EZH1: variants seen among roughly 807,000 people sequenced by gnomAD.
EZH1 encodes the protein histone-lysine N-methyltransferase EZH1.
EZH1 carries 33 observed loss-of-function variants against 100.5 expected under a neutral mutation model. The observed-to-expected ratio is 0.33, with a 90% confidence interval of 0.25 to 0.44. The LOEUF is 0.44. Ranked by LOEUF, EZH1 falls within the 20% of genes least tolerant of loss-of-function variation. The pLI is 1.00. For missense variants in EZH1, 475 were observed against 928.4 expected (o/e 0.51, Z 6.35); for synonymous variants, 272 against 313.8 (o/e 0.87, Z 1.41).
rs894173315 is a variant in EZH1, at chr17:42,722,712, A to G, written c.487+83T>C. On this transcript the variant is annotated intron_variant, in intron 6 of 20. Transcript: ENST00000428826. ...TGTGTACCCCATGGGGCAGAAGATA[A>G]AAGCAAGATGGCAAGATGATGAGGT... is the stretch of plus-strand genomic sequence containing the variant. 3 of 1,447,918 alleles carry G rather than the reference A, an allele frequency of 2.1e-6. No individual in the cohort carries two copies. In the African/African-American group the frequency reaches 4.3e-5, roughly 21 times the overall value. 89.7% of individuals were successfully genotyped at this position (1,447,918 alleles called of 1,614,324 possible).
At chr17:42,709,407 G>C (rs1453410624) in intron 13 of EZH1, 1 of 178,640 alleles carries the variant, frequency 5.6e-6, no homozygotes, top group African/African-American at 2.4e-5. Flanking sequence ...AGGGAACAGG[G>C]CCAGGGTGCA....
rs1172373256 is a variant in EZH1 at position 42,718,084 on chromosome 17, G to C, written c.932-17C>G. On this transcript the variant is annotated splice_polypyrimidine_tract_variant and intron_variant, in intron 9 of 20. Coordinates refer to ENST00000428826, the MANE Select transcript of EZH1 (RefSeq NM_001991.5). The surrounding 1 kb of genome is among the most constrained non-coding windows in gnomAD (Gnocchi z 4.2). ...CATGAAAAGCTGGAAAACAAAAACTGTCTTGTTGCCAGTGGTCTATCCACT... is the reference window on the plus strand; with the variant it reads ...CATGAAAAGCTGGAAAACAAAAACTCTCTTGTTGCCAGTGGTCTATCCACT... 6.2e-7 allele frequency: 1 copy of C among 1,607,134 alleles called. No individual in the cohort carries two copies. The highest frequency in any genetic ancestry group is 1.3e-5 in the African/African-American group (1 of 74,934).
intron 2 of EZH1, among the ~76,000 whole-genome samples, chr17:42,730,201 T>G (rs990171876): frequency 1.3e-5 from 2 of 152,224 alleles, no homozygotes; most frequent in Non-Finnish European, 2.9e-5. Context: ...TACTAGGAAC[T>G]TGGATTACTT....
chr17:42,719,817 A>T (rs2053672750), intron 7 of EZH1, among the ~76,000 whole-genome samples: 1 of 152,170 alleles, frequency 6.6e-6, no homozygotes. Context: ...AGGCCTGAAC[A>T]TAGAAGAATC....
At chr17:42,737,437 C>T (rs1187750701) in intron 1 of EZH1, among the ~76,000 whole-genome samples, 3 of 152,132 alleles carry the variant, frequency 2.0e-5, no homozygotes, top group Non-Finnish European at 4.4e-5. Flanking sequence ...CCCATCTCTA[C>T]AAAAGAAATA....
chr17:42,707,779 G>A (rs867076238), intron 15 of EZH1, among the ~76,000 whole-genome samples, 179 bp downstream of exon 15: 4 of 151,454 alleles, frequency 2.6e-5, no homozygotes, highest in Non-Finnish European at 4.4e-5. Context: ...GAACCTAAAC[G>A]TTTTCCAGAA....
Position 42,701,119 on chromosome 17 carries a change from A to G in EZH1, c.*1413T>C, listed in dbSNP as rs952064857. The G allele has an allele frequency of 6.6e-6, 1 of 152,600 alleles. No homozygotes were observed. The highest frequency in any genetic ancestry group is 1.5e-5 in the Non-Finnish European group (1 of 68,128). The allele number at this position is 152,600 out of a possible 1,614,324, so 9.5% of individuals were successfully genotyped here. ...ACACAGGGCAGCTCTTGCTGGCCCCATTCACATGAAATTCTTCTGTGTGAA... is the reference window on the plus strand; with the variant it reads ...ACACAGGGCAGCTCTTGCTGGCCCCGTTCACATGAAATTCTTCTGTGTGAA... On this transcript the variant is annotated 3_prime_UTR_variant, in exon 21 of 21. Coordinates refer to ENST00000428826, the MANE Select transcript of EZH1 (RefSeq NM_001991.5).
At chr17:42,705,912 A>T in intron 16 of EZH1, 95 bp downstream of exon 16, 2 of 1,259,850 alleles carry the variant, frequency 1.6e-6, no homozygotes, top group Non-Finnish European at 2.1e-6. Context: ...TCACATATAA[A>T]GCCTCAAAAG....
At chr17:42,720,176 A>C (rs2053678713) in intron 7 of EZH1, 97 bp downstream of exon 7, 2 of 1,307,214 alleles carry the variant, frequency 1.5e-6, no homozygotes, top group East Asian at 2.4e-5. Context: ...AACAAGAAGC[A>C]CCAACAGCCT....
At position 42,738,755 on chromosome 17, in the gene EZH1, A is replaced by ATATTT. The variant is rs1555651877; in HGVS notation, c.-103+6255_-103+6256insAAATA. On this transcript the variant is annotated intron_variant, in intron 1 of 20. Coordinates refer to ENST00000428826, the MANE Select transcript of EZH1 (RefSeq NM_001991.5). ...GCGTAAGCCACCGGGCCTGGCCTAG[A>ATATTT]TTTTTTTTTTTTTTTTTTTTTTGAG... Among the ~76,000 whole-genome samples the ATATTT allele has an allele frequency of 5.3e-4, 48 of 91,214 alleles. 2 individuals are homozygous for ATATTT. Among genetic ancestry groups the ATATTT allele is most frequent in the African/African-American group, 1.8e-3 (41 of 23,170 alleles). 59.8% of individuals were successfully genotyped at this position (91,214 alleles called of 152,430 possible).
intron 10 of EZH1, among the ~76,000 whole-genome samples, chr17:42,716,168 A>C (rs867492568): frequency 6.6e-6 from 1 of 152,202 alleles, no homozygotes. Flanking sequence ...AGCTGAAAAA[A>C]AAATTGAATA....
chr17:42,703,708 C>G, intron 19 of EZH1, 32 bp downstream of exon 19: 2 of 1,519,214 alleles, frequency 1.3e-6, no homozygotes, highest in South Asian at 2.2e-5. Flanking sequence ...GCATCCATCC[C>G]CCACCCCACC....
intron 3 of EZH1, 68 bp downstream of exon 3, chr17:42,728,756 AT>A: frequency 2.0e-6 from 3 of 1,503,460 alleles, no homozygotes; most frequent in East Asian, 2.4e-5. Flanking sequence ...AAAAAAAAAA[AT>A]TCCAACCCCT....
intron 1 of EZH1, among the ~76,000 whole-genome samples, chr17:42,733,938 T>C (rs1176170734): frequency 8.9e-5 from 5 of 56,406 alleles, no homozygotes; most frequent in Admixed American, 2.7e-4. Context: ...AGACTCCATC[T>C]CAAAAAAAAA....
Position 42,702,432 on chromosome 17 carries a change from G to T in EZH1, c.*100C>A. The T allele has an allele frequency of 1.9e-6, 2 of 1,025,900 alleles. No individual in the cohort carries two copies. Among genetic ancestry groups the T allele is most frequent in the Non-Finnish European group, 2.9e-6 (2 of 691,488 alleles). 63.5% of individuals were successfully genotyped at this position (1,025,900 alleles called of 1,614,324 possible). ...AGGGAGTGGGTTGGGGGGTTTCTCA[G>T]TGTGGGAGACACAGTGCAGGAGACT... On this transcript the variant is annotated 3_prime_UTR_variant, in exon 21 of 21. Transcript: ENST00000428826.
chr17:42,737,327 G>T (rs1310956920), intron 1 of EZH1, among the ~76,000 whole-genome samples: 1 of 152,226 alleles, frequency 6.6e-6, no homozygotes, highest in Non-Finnish European at 1.5e-5. Context: ...TAGGGCAGGC[G>T]TGATGGCTCA....
intron 4 of EZH1, among the ~76,000 whole-genome samples, chr17:42,726,017 T>C (rs912714086): frequency 2.6e-5 from 4 of 151,706 alleles, no homozygotes; most frequent in Non-Finnish European, 5.9e-5. Context: ...TAGCTGGGAT[T>C]ATAGGTGCAC....
chr17:42,710,783 T>C (rs2053464565), intron 12 of EZH1, among the ~76,000 whole-genome samples: 2 of 110,768 alleles, frequency 1.8e-5, no homozygotes, highest in Admixed American at 1.8e-4. Flanking sequence ...GGTACGTGGC[T>C]TTTTTTTTTT....
intron 19 of EZH1, 28 bp downstream of exon 19, chr17:42,703,712 C>A (rs367946856): frequency 1.3e-6 from 2 of 1,551,862 alleles, no homozygotes; most frequent in Non-Finnish European, 8.9e-7. Flanking sequence ...CCATCCCCCA[C>A]CCCACCTCCC....
Sources: allele counts gnomAD v4.1 joint callset (sites outside exome capture counted in the v4.1 genomes callset), GRCh38; gene constraint gnomAD v4.1.1; non-coding constraint Gnocchi (gnomAD v3.1); transcripts MANE v1.5; gene names NCBI Gene and HGNC (gene_info 2026-07-23, HGNC 2026-07-21).